The following NEO1 variants were observed in gnomAD, a reference collection of about 807,000 sequenced individuals.
NEO1 encodes neogenin.
NEO1 carries 63 observed loss-of-function variants against 159.7 expected under a neutral mutation model. That is an observed-to-expected ratio of 0.39 (90% CI 0.32 to 0.49). The LOEUF is 0.49. NEO1 is among the 20% of genes least tolerant of loss of function. The pLI, the probability that NEO1 is intolerant of heterozygous loss-of-function variation, is 0.85. For synonymous variants in NEO1, 633 were observed against 662.0 expected (o/e 0.96, Z 0.67); for missense variants, 1,615 against 1,831.0 (o/e 0.88, Z 2.15).
At chr15:73,277,425 C>T (rs1196135827) in intron 21 of NEO1, among the ~76,000 whole-genome samples, 1 of 152,154 alleles carries the variant, frequency 6.6e-6, no homozygotes, top group African/African-American at 2.4e-5. Flanking sequence ...AGGCCTCCTT[C>T]TGGGGTGGTC....
chr15:73,069,243 T>C (rs1239287408), intron 1 of NEO1, among the ~76,000 whole-genome samples: 1 of 151,298 alleles, frequency 6.6e-6, no homozygotes, highest in Non-Finnish European at 1.5e-5. Context: ...ATTATAGGCA[T>C]GAGCCACTGC....
At chr15:73,076,309 A>G (rs181416360) in intron 1 of NEO1, among the ~76,000 whole-genome samples, 1 of 152,310 alleles carries the variant, frequency 6.6e-6, no homozygotes, top group East Asian at 1.9e-4. Context: ...CATTTAGTAT[A>G]TAATTTTTAC....
rs568583632 is a variant in NEO1, at chr15:73,154,209, T to TA, written c.1015+18195dup. Among the ~76,000 whole-genome samples, 326 of 145,980 alleles carry TA rather than the reference T, an allele frequency of 2.2e-3. 1 individual carries two copies. The highest frequency in any genetic ancestry group is 5.6e-3 in the African/African-American group (225 of 40,250). On this transcript the variant is annotated intron_variant, in intron 5 of 28. Transcript: ENST00000261908. Reference sequence around the variant, plus strand: ...TTCTGATTCCTAGTCTAGTATTCTTTAAAAAAAAAAAAATTTGTAATAGTT... The same window carrying TA: ...TTCTGATTCCTAGTCTAGTATTCTTTAAAAAAAAAAAAAATTTGTAATAGTT...
At chr15:73,200,173 CT>C (rs1031636357) in intron 7 of NEO1, among the ~76,000 whole-genome samples, 1 of 151,966 alleles carries the variant, frequency 6.6e-6, no homozygotes, top group Non-Finnish European at 1.5e-5. Flanking sequence ...CTAGTGCATT[CT>C]TTTTTTTGAA....
intron 22 of NEO1, among the ~76,000 whole-genome samples, chr15:73,282,349 T>C (rs2041758809): frequency 6.6e-6 from 1 of 152,226 alleles, no homozygotes; most frequent in African/African-American, 2.4e-5. Context: ...CATTGCACCT[T>C]AGTACCTAGA....
intron 7 of NEO1, among the ~76,000 whole-genome samples, chr15:73,220,619 G>T (rs538441326): frequency 6.6e-6 from 1 of 152,298 alleles, no homozygotes; most frequent in South Asian, 2.1e-4. Flanking sequence ...TGGAGGATTT[G>T]TTCGTTTCTT....
intron 4 of NEO1, among the ~76,000 whole-genome samples, chr15:73,128,523 G>A (rs892823112): frequency 8.5e-5 from 13 of 152,116 alleles, no homozygotes; most frequent in African/African-American, 2.7e-4. Context: ...CCAAATGCTG[G>A]CTATGTCATG....
In NEO1 at chr15:73,183,079, T is replaced by C. The variant is rs544761770; in HGVS notation, c.1291+4652T>C. Among the ~76,000 whole-genome samples the C allele has an allele frequency of 2.2e-4, 34 of 152,286 alleles. 1 individual carries two copies. Among genetic ancestry groups the C allele is most frequent in the African/African-American group, 8.2e-4 (34 of 41,566 alleles). On this transcript the variant is annotated intron_variant, in intron 7 of 28. Transcript: ENST00000261908. Reference sequence around the variant, plus strand: ...TCAGACAGAATGGGAGTTTACACTTTCTTGCAAACACTTTTCCTTGGGGCT... The same window carrying C: ...TCAGACAGAATGGGAGTTTACACTTCCTTGCAAACACTTTTCCTTGGGGCT...
chr15:73,144,208 G>T (rs2032684107), intron 5 of NEO1, among the ~76,000 whole-genome samples: 2 of 152,102 alleles, frequency 1.3e-5, no homozygotes. Flanking sequence ...CTACTTTTAT[G>T]ATTGAGGTCA....
At chr15:73,249,513 C>A in intron 10 of NEO1, 70 bp from the exon 11 acceptor site, 1 of 1,441,830 alleles carries the variant, frequency 6.9e-7, no homozygotes, top group Non-Finnish European at 9.3e-7. Context: ...ATTTGTGTAG[C>A]TAATTCTTTA....
intron 7 of NEO1, among the ~76,000 whole-genome samples, chr15:73,228,336 T>G (rs1192915289): frequency 6.6e-6 from 1 of 152,180 alleles, no homozygotes; most frequent in African/African-American, 2.4e-5. Flanking sequence ...TGACTAATGA[T>G]GTCATTTTCA....
At chr15:73,232,179 TC>T (rs1386404881) in intron 7 of NEO1, among the ~76,000 whole-genome samples, 1 of 152,204 alleles carries the variant, frequency 6.6e-6, no homozygotes, top group Non-Finnish European at 1.5e-5. Flanking sequence ...TTCTGACTCT[TC>T]CTCCCACCCC....
chr15:73,101,001 A>G (rs2070373061), intron 1 of NEO1, among the ~76,000 whole-genome samples: 1 of 152,182 alleles, frequency 6.6e-6, no homozygotes. Flanking sequence ...AGACCTACTC[A>G]TATGTTCATT....
chr15:73,109,534 T>C (rs560096619), intron 1 of NEO1, among the ~76,000 whole-genome samples: 4 of 152,086 alleles, frequency 2.6e-5, no homozygotes, highest in Admixed American at 1.3e-4. Flanking sequence ...GAAAGCACTC[T>C]TATAAATTTT....
chr15:73,256,494 T>TG (rs1435749953), intron 13 of NEO1, among the ~76,000 whole-genome samples: 4 of 152,116 alleles, frequency 2.6e-5, no homozygotes, highest in Non-Finnish European at 5.9e-5. Context: ...AGTAAGACTC[T>TG]GTCTCAAAAA....
intron 23 of NEO1, among the ~76,000 whole-genome samples, chr15:73,286,504 G>T (rs2041955092): frequency 6.6e-6 from 1 of 152,070 alleles, no homozygotes; most frequent in African/African-American, 2.4e-5. Flanking sequence ...TTCTCCCCAA[G>T]TGATCTCATC....
At chr15:73,095,258 T>C (rs1284048856) in intron 1 of NEO1, among the ~76,000 whole-genome samples, 3 of 152,082 alleles carry the variant, frequency 2.0e-5, no homozygotes, top group African/African-American at 7.2e-5. Context: ...TCTGGCTTGT[T>C]TTTTAAATAA....
chr15:73,159,716 G>T (rs1190860422), intron 5 of NEO1, among the ~76,000 whole-genome samples: 1 of 152,074 alleles, frequency 6.6e-6, no homozygotes, highest in Non-Finnish European at 1.5e-5. Context: ...CTAATCTTTT[G>T]CTGCTTCAGT....
In NEO1 at chr15:73,272,099, A is replaced by G. The variant is rs147105113; in HGVS notation, c.2858-356A>G. 3.6e-3 allele frequency among the ~76,000 whole-genome samples: 545 copies of G among 152,246 alleles called. 3 individuals carry two copies. Among genetic ancestry groups the G allele is most frequent in the African/African-American group, 0.012 (514 of 41,530 alleles). On this transcript the variant is annotated intron_variant, in intron 18 of 28. Coordinates refer to ENST00000261908, the MANE Select transcript of NEO1 (RefSeq NM_002499.4). Reference sequence around the variant, plus strand: ...CCATAAAGCAGAGATAGTGATAACTACCTTTCAAATTTTCTACAAATACTA... The same window carrying G: ...CCATAAAGCAGAGATAGTGATAACTGCCTTTCAAATTTTCTACAAATACTA...
Sources: allele counts gnomAD v4.1 joint callset (sites outside exome capture counted in the v4.1 genomes callset), GRCh38; gene constraint gnomAD v4.1.1; transcripts MANE v1.5; gene names NCBI Gene and HGNC (gene_info 2026-07-23, HGNC 2026-07-21).